The following GRIN2B variants were observed in gnomAD, a reference collection of about 807,000 sequenced individuals.
The protein encoded by GRIN2B is glutamate receptor ionotropic, NMDA 2B.
GRIN2B carries 5 observed loss-of-function variants against 114.5 expected under a neutral mutation model. The observed-to-expected ratio is 0.04, with a 90% CI of 0.02 to 0.09. The LOEUF (loss-of-function observed/expected upper bound fraction) is 0.09, where lower values mean the gene tolerates loss of function less well. GRIN2B is among the 10% of genes least tolerant of loss of function. The pLI, the probability that GRIN2B is intolerant of heterozygous loss-of-function variation, is 1.00. For missense variants in GRIN2B, 1,108 were observed against 1,943.5 expected (o/e 0.57, Z 8.08); for synonymous variants, 787 against 745.1 (o/e 1.06, Z -0.92).
chr12:13,962,218 ACTG>A (rs1867706964), intron 2 of GRIN2B, among the ~76,000 whole-genome samples: 1 of 151,944 alleles, frequency 6.6e-6, no homozygotes, highest in African/African-American at 2.4e-5. Flanking sequence ...CTTGAACCCA[ACTG>A]CACCGAGGAA....
chr12:13,598,894 A>G (rs960284446), intron 10 of GRIN2B, among the ~76,000 whole-genome samples: 3 of 152,142 alleles, frequency 2.0e-5, no homozygotes, highest in Admixed American at 1.3e-4. Context: ...CTGACTAGCC[A>G]TGTGCTTTTT....
At chr12:13,575,385 G>T (rs984285655) in intron 10 of GRIN2B, among the ~76,000 whole-genome samples, 2 of 152,130 alleles carry the variant, frequency 1.3e-5, no homozygotes, top group South Asian at 2.1e-4. Flanking sequence ...CGGGCCGGGT[G>T]CAGTGGCTCA....
At position 13,653,752 on chromosome 12, in the gene GRIN2B, C is replaced by T. The variant is rs543280131; in HGVS notation, c.1125+21993G>A. ...ATTAACTCAGTAGGCGACTTTCATT[C>T]TCTTCAAGTGTATATGGTGGGAGCT... On this transcript the variant is annotated intron_variant, in intron 5 of 13. Transcript: ENST00000609686. Among the ~76,000 whole-genome samples, 3 of 152,222 alleles carry T rather than the reference C, an allele frequency of 2.0e-5. No individual in the cohort carries two copies. The East Asian group carries it at 5.8e-4, about 29-fold the overall frequency.
At chr12:13,696,271 CT>C (rs774592490) in intron 4 of GRIN2B, among the ~76,000 whole-genome samples, 3 of 152,124 alleles carry the variant, frequency 2.0e-5, no homozygotes, top group Non-Finnish European at 2.9e-5. Context: ...CACAAGTAAA[CT>C]TTTATATATG....
At chr12:13,786,585 T>C (rs1157642205) in intron 3 of GRIN2B, among the ~76,000 whole-genome samples, 1 of 151,664 alleles carries the variant, frequency 6.6e-6, no homozygotes, top group African/African-American at 2.4e-5. Context: ...CCATTGGCCG[T>C]GGTGATCAGG....
At chr12:13,891,463 A>G (rs560566292) in intron 2 of GRIN2B, among the ~76,000 whole-genome samples, 4 of 152,184 alleles carry the variant, frequency 2.6e-5, no homozygotes, top group Non-Finnish European at 4.4e-5. Flanking sequence ...GTGCATATCT[A>G]TAGATGTGCC....
intron 10 of GRIN2B, among the ~76,000 whole-genome samples, chr12:13,580,569 G>A (rs1419944952): frequency 6.6e-6 from 1 of 152,214 alleles, no homozygotes; most frequent in Non-Finnish European, 1.5e-5. Flanking sequence ...GAAAGGCTTA[G>A]GAGATGTGAA....
At chr12:13,671,935 G>C (rs1950025266) in intron 5 of GRIN2B, among the ~76,000 whole-genome samples, 1 of 152,112 alleles carries the variant, frequency 6.6e-6, no homozygotes, top group African/African-American at 2.4e-5. Context: ...CAGATAATGA[G>C]TGTATTCAGG....
At chr12:13,616,706 C>G in intron 5 of GRIN2B, 49 bp from the exon 6 acceptor site, 1 of 1,407,704 alleles carries the variant, frequency 7.1e-7, no homozygotes, top group Non-Finnish European at 1.0e-6. Flanking sequence ...CACAACATAA[C>G]AAACAGCCTG....
chr12:13,642,571 C>T (rs779396724), intron 5 of GRIN2B, among the ~76,000 whole-genome samples: 1 of 152,142 alleles, frequency 6.6e-6, no homozygotes, highest in Non-Finnish European at 1.5e-5. Context: ...TCCCATGACA[C>T]TTACATATAA....
chr12:13,692,909 C>G (rs1591679798), intron 4 of GRIN2B, among the ~76,000 whole-genome samples: 3 of 151,354 alleles, frequency 2.0e-5, no homozygotes, highest in African/African-American at 7.3e-5. Context: ...GCTGGGATTA[C>G]AGGCGCCTGC....
At chr12:13,852,080 A>G (rs1865574974) in intron 3 of GRIN2B, among the ~76,000 whole-genome samples, 1 of 152,176 alleles carries the variant, frequency 6.6e-6, no homozygotes, top group African/African-American at 2.4e-5. Flanking sequence ...TGCCAAGGCA[A>G]CAGAAGGCAC....
intron 3 of GRIN2B, among the ~76,000 whole-genome samples, chr12:13,784,460 T>C (rs1329530880): frequency 6.6e-6 from 1 of 152,008 alleles, no homozygotes; most frequent in African/African-American, 2.4e-5. Context: ...ATTTCAACTG[T>C]CCCCAGGTGA....
chr12:13,735,099 G>A (rs537146431), intron 4 of GRIN2B, among the ~76,000 whole-genome samples: 3 of 152,232 alleles, frequency 2.0e-5, no homozygotes, highest in East Asian at 3.9e-4. Context: ...CACATCCAGT[G>A]GATAAAATAA....
rs548840395 is a variant in GRIN2B at position 13,553,379 on chromosome 12, T to A, written c.*9404A>T. ...AGCTCATTCAAATCCTAACTTACTT[T>A]CATTGTAAATATACAGATAAGAGGT... On this transcript the variant is annotated 3_prime_UTR_variant, in exon 14 of 14. Transcript: ENST00000609686. 6.6e-6 allele frequency: 1 copy of A among 152,210 alleles called. No homozygotes were observed. Among genetic ancestry groups the A allele is most frequent in the African/African-American group, 2.4e-5 (1 of 41,444 alleles). 9.4% of individuals were successfully genotyped at this position (152,210 alleles called of 1,614,324 possible). A position where few individuals can be genotyped will look rare whatever the true frequency, so the allele number is the denominator to read the frequency against.
intron 4 of GRIN2B, among the ~76,000 whole-genome samples, chr12:13,725,590 G>A (rs539928983): frequency 3.3e-4 from 50 of 152,130 alleles, no homozygotes; most frequent in African/African-American, 1.1e-3. Flanking sequence ...CAAGCAGATC[G>A]GATACACAGA....
chr12:13,717,066 C>CGTGTGTGTGTGTGT (rs56360153), intron 4 of GRIN2B, among the ~76,000 whole-genome samples: 128 of 146,036 alleles, frequency 8.8e-4, no homozygotes, highest in Admixed American at 3.0e-3. Context: ...ATGCCATACG[C>CGTGTGTGTGTGTGT]GTGTGTGTGT....
intron 3 of GRIN2B, among the ~76,000 whole-genome samples, chr12:13,762,422 A>G (rs903237673): frequency 6.6e-6 from 1 of 152,246 alleles, no homozygotes; most frequent in African/African-American, 2.4e-5. Flanking sequence ...ATTACTAAAG[A>G]GCAGAGTTAA....
intron 4 of GRIN2B, among the ~76,000 whole-genome samples, chr12:13,749,996 C>T (rs374178042): frequency 6.6e-6 from 1 of 152,120 alleles, no homozygotes; most frequent in Non-Finnish European, 1.5e-5. Flanking sequence ...AGATGTCCAG[C>T]GGGCAGGCAG....
Sources: gnomAD v4.1 joint callset for allele counts (sites outside exome capture counted in the v4.1 genomes callset) on GRCh38, gnomAD v4.1.1 for gene constraint, MANE v1.5 for transcripts, NCBI Gene and HGNC (gene_info 2026-07-23, HGNC 2026-07-21) for gene names.